Variants in TNKS observed in about 807,000 individuals in gnomAD.
The protein encoded by TNKS is tankyrase.
TNKS carries 72 observed loss-of-function variants against 135.8 expected under a neutral mutation model. The observed-to-expected ratio is 0.53, with a 90% CI of 0.44 to 0.64. TNKS has a LOEUF of 0.64. Among genes scored for constraint, TNKS ranks in the 30% least tolerant of loss-of-function variants. The pLI, the probability that TNKS is intolerant of heterozygous loss-of-function variation, is 0.00. For synonymous variants in TNKS, 849 were observed against 649.3 expected (o/e 1.31, Z -4.68); for missense variants, 1,769 against 1,674.0 (o/e 1.06, Z -0.99).
chr8:9,697,512 C>T (rs1463672872), intron 5 of TNKS, among the ~76,000 whole-genome samples: 1 of 152,090 alleles, frequency 6.6e-6, no homozygotes, highest in Admixed American at 6.6e-5. Flanking sequence ...AATAGACAAT[C>T]TACAGAATGG....
chr8:9,613,737 C>T (rs1440864826), intron 2 of TNKS, among the ~76,000 whole-genome samples: 35 of 152,178 alleles, frequency 2.3e-4, no homozygotes, highest in Admixed American at 2.3e-3. Context: ...TACAACTAAA[C>T]TGTAATGGCA....
In TNKS at chr8:9,770,173, C is replaced by A. The variant is rs1807737208; in HGVS notation, c.3808C>A (p.His1270Asn). The change falls in exon 26 of 27, where the codon CAC becomes AAC. Residue 1270 changes from histidine to asparagine, a missense_variant. Coordinates refer to ENST00000310430, the MANE Select transcript of TNKS (RefSeq NM_003747.3). ...GCAGTTTAGCACCATGAAAATGGCC[C>A]ACGCGCCTCCAGGGCACCACTCAGT... is the stretch of plus-strand genomic sequence containing the variant. ...FLQFSTMKMA[H>N]APPGHHSVIG... 2 of 1,613,266 alleles carry A rather than the reference C, an allele frequency of 1.2e-6. No homozygotes were observed. Among genetic ancestry groups the A allele is most frequent in the Non-Finnish European group, 8.5e-7 (1 of 1,179,956 alleles).
intron 26 of TNKS, among the ~76,000 whole-genome samples, chr8:9,772,799 G>C (rs995406461): frequency 7.8e-6 from 1 of 128,306 alleles, no homozygotes; most frequent in Admixed American, 9.0e-5. Context: ...GAGAATGTGT[G>C]TGTGTGTGTT....
intron 5 of TNKS, among the ~76,000 whole-genome samples, chr8:9,681,900 G>T (rs10102866): frequency 0.029 from 4,421 of 152,048 alleles, 153 homozygotes; most frequent in African/African-American, 0.086. Context: ...CTTATATATC[G>T]TTACATGGCC....
At chr8:9,614,266 A>G (rs528825918) in intron 2 of TNKS, among the ~76,000 whole-genome samples, 1 of 152,344 alleles carries the variant, frequency 6.6e-6, no homozygotes, top group East Asian at 1.9e-4. Context: ...TCAGTTTATA[A>G]ACATCTGGAA....
chr8:9,770,345 T>C (rs541002214), intron 26 of TNKS, 83 bp downstream of exon 26: 1 of 1,352,822 alleles, frequency 7.4e-7, no homozygotes, highest in South Asian at 1.4e-5. Flanking sequence ...TGAGACACTT[T>C]TCAGTGAAAT....
intron 2 of TNKS, among the ~76,000 whole-genome samples, chr8:9,605,285 A>G (rs1799171773): frequency 6.6e-6 from 1 of 152,142 alleles, no homozygotes; most frequent in East Asian, 1.9e-4. Flanking sequence ...TCTTTTGCTC[A>G]TCATGTTTTG....
At chr8:9,570,158 T>C (rs960759070) in intron 1 of TNKS, among the ~76,000 whole-genome samples, 3 of 152,186 alleles carry the variant, frequency 2.0e-5, no homozygotes, top group Admixed American at 6.5e-5. Flanking sequence ...ATAATAAATA[T>C]AGGCCAGGTG....
chr8:9,708,990 G>T (rs112482515), intron 9 of TNKS, among the ~76,000 whole-genome samples: 24 of 27,268 alleles, frequency 8.8e-4, no homozygotes, highest in Non-Finnish European at 2.5e-3. Context: ...AACTATCCAC[G>T]TTTTTTTCTT....
chr8:9,765,930 A>G (rs1038647593), intron 24 of TNKS, 133 bp downstream of exon 24: 1 of 722,378 alleles, frequency 1.4e-6, no homozygotes, highest in African/African-American at 1.8e-5. Context: ...TTGTTCAAAT[A>G]ATTACTTCTT....
chr8:9,704,386 G>T (rs1030571943), intron 5 of TNKS, among the ~76,000 whole-genome samples: 3 of 152,052 alleles, frequency 2.0e-5, no homozygotes, highest in Non-Finnish European at 4.4e-5. Flanking sequence ...TTTCATGTTG[G>T]AAAGAAATAG....
At chr8:9,684,964 C>G (rs567842710) in intron 5 of TNKS, among the ~76,000 whole-genome samples, 2 of 152,124 alleles carry the variant, frequency 1.3e-5, no homozygotes, top group African/African-American at 2.4e-5. Context: ...TTTCCTGGCC[C>G]TTTTAGTTTT....
At position 9,772,831 on chromosome 8, in the gene TNKS, CTGTGTG is replaced by C. The variant is rs71201974; in HGVS notation, c.3897+2593_3897+2598del. Reference sequence around the variant, plus strand: ...TGTTTGTGTGTGTGTGTGTGTGTGTCTGTGTGTGTGTGTGTGTGTGTGTGTGTGTAG... The same window carrying C: ...TGTTTGTGTGTGTGTGTGTGTGTGTCTGTGTGTGTGTGTGTGTGTGTGTAG... On this transcript the variant is annotated intron_variant, in intron 26 of 26. Coordinates refer to ENST00000310430, the MANE Select transcript of TNKS (RefSeq NM_003747.3). 4.9e-3 allele frequency among the ~76,000 whole-genome samples: 589 copies of C among 119,116 alleles called. 5 individuals carry two copies. The highest frequency in any genetic ancestry group is 0.017 in the African/African-American group (511 of 30,628). The allele number at this position is 119,116 out of a possible 152,430, so 78.1% of individuals were successfully genotyped here.
chr8:9,587,593 G>A (rs1029446825), intron 2 of TNKS, among the ~76,000 whole-genome samples: 1 of 151,530 alleles, frequency 6.6e-6, no homozygotes, highest in Non-Finnish European at 1.5e-5. Context: ...TAGTAGAAAC[G>A]GGGTTTCACC....
rs145310942 is a variant in TNKS at position 9,691,212 on chromosome 8, C to A, written c.1107+10412C>A. Among the ~76,000 whole-genome samples the A allele has an allele frequency of 4.4e-3, 676 of 152,244 alleles. 2 individuals carry two copies. The highest frequency in any genetic ancestry group is 6.5e-3 in the Non-Finnish European group (442 of 68,018). On this transcript the variant is annotated intron_variant, in intron 5 of 26. Coordinates refer to ENST00000310430, the MANE Select transcript of TNKS (RefSeq NM_003747.3). ...GTCTGTTAGAGATATCTAGAAAAATCCTGCACTGGGAAGGAGGCAGAATCA... is the reference window on the plus strand; with the variant it reads ...GTCTGTTAGAGATATCTAGAAAAATACTGCACTGGGAAGGAGGCAGAATCA...
chr8:9,574,347 A>G (rs1369780594), intron 1 of TNKS, among the ~76,000 whole-genome samples: 2 of 152,164 alleles, frequency 1.3e-5, no homozygotes, highest in Non-Finnish European at 1.5e-5. Context: ...TTAAGCTAGA[A>G]ATCTGAGAGC....
chr8:9,680,013 G>T, intron 4 of TNKS, 26 bp downstream of exon 4: 1 of 1,580,800 alleles, frequency 6.3e-7, no homozygotes, highest in Non-Finnish European at 8.7e-7. Flanking sequence ...CATTTTAAGT[G>T]TATATAATGC....
At chr8:9,619,354 G>C (rs117114368) in intron 3 of TNKS, among the ~76,000 whole-genome samples, 3,269 of 152,288 alleles carry the variant, frequency 0.021, 126 homozygotes, top group Non-Finnish European at 0.022. Context: ...GAGTGGAAAG[G>C]ATAGAGGGAG....
At chr8:9,728,163 G>T (rs570955281) in intron 13 of TNKS, among the ~76,000 whole-genome samples, 1 of 152,124 alleles carries the variant, frequency 6.6e-6, no homozygotes, top group Non-Finnish European at 1.5e-5. Flanking sequence ...TCCATTCACA[G>T]TGAAGGCCTA....
Sources: gnomAD v4.1 joint callset for allele counts (sites outside exome capture counted in the v4.1 genomes callset) on GRCh38, gnomAD v4.1.1 for gene constraint, MANE v1.5 for transcripts, NCBI Gene and HGNC (gene_info 2026-07-23, HGNC 2026-07-21) for gene names.